The following KAZN variants were observed in gnomAD, a reference collection of about 807,000 sequenced individuals.
KAZN encodes kazrin, periplakin interacting protein, also known as kazrin.
Under a neutral mutation model 87.4 loss-of-function variants are expected in KAZN, and 40 were observed. The observed-to-expected ratio is 0.46, with a 90% CI of 0.36 to 0.60. KAZN has a LOEUF of 0.60. Ranked by LOEUF, KAZN falls within the 20% of genes least tolerant of loss-of-function variation. The pLI is 0.00. For synonymous variants in KAZN, 466 were observed against 458.3 expected, an observed-to-expected ratio of 1.02 and a Z score of -0.22; for missense variants, 898 against 1,073.9, an observed-to-expected ratio of 0.84 and a Z score of 2.29.
At chr1:14,301,719 A>G (rs1220502669) in intron 2 of KAZN, among the ~76,000 whole-genome samples, 2 of 152,234 alleles carry the variant, frequency 1.3e-5, no homozygotes, top group African/African-American at 4.8e-5. Flanking sequence ...TATATAGAAG[A>G]CATTTGGCAG....
intron 2 of KAZN, among the ~76,000 whole-genome samples, chr1:14,536,636 C>T (rs1672518892): frequency 6.6e-6 from 1 of 152,182 alleles, no homozygotes; most frequent in African/African-American, 2.4e-5. Context: ...AATCCCAACA[C>T]TTTGGGAGGC....
At chr1:14,905,472 C>G (rs1656414712) in intron 1 of KAZN, among the ~76,000 whole-genome samples, 1 of 152,346 alleles carries the variant, frequency 6.6e-6, no homozygotes, top group East Asian at 1.9e-4. Flanking sequence ...AGGCCTGCAT[C>G]TGGCACATCC....
chr1:14,385,236 A>T (rs1319945979), intron 2 of KAZN, among the ~76,000 whole-genome samples: 2 of 151,570 alleles, frequency 1.3e-5, no homozygotes, highest in Non-Finnish European at 2.9e-5. Flanking sequence ...GCGGTCTATT[A>T]ATTTTGTTGA....
At chr1:14,290,189 T>G (rs943331635) in intron 2 of KAZN, among the ~76,000 whole-genome samples, 4 of 152,266 alleles carry the variant, frequency 2.6e-5, no homozygotes, top group East Asian at 3.9e-4. Flanking sequence ...ATCTTTGTGG[T>G]GTTCTCTGTA....
chr1:14,085,908 C>T (rs964941108), intron 1 of KAZN, among the ~76,000 whole-genome samples: 1 of 152,086 alleles, frequency 6.6e-6, no homozygotes, highest in Non-Finnish European at 1.5e-5. Context: ...CCACATTCCC[C>T]CCAATACTTT....
intron 1 of KAZN, among the ~76,000 whole-genome samples, chr1:14,778,518 G>A (rs536141355): frequency 2.0e-4 from 30 of 152,232 alleles, no homozygotes; most frequent in Admixed American, 1.9e-3. Context: ...GGGTTCCCTT[G>A]GCCAAGTGGA....
At chr1:14,061,646 C>T (rs149689206) in intron 1 of KAZN, among the ~76,000 whole-genome samples, 97 of 152,298 alleles carry the variant, frequency 6.4e-4, no homozygotes, top group African/African-American at 2.1e-3. Context: ...TCTTCCCCAA[C>T]GGCAAAAGAA....
At chr1:14,113,723 G>A (rs1382350979) in intron 1 of KAZN, among the ~76,000 whole-genome samples, 1 of 152,200 alleles carries the variant, frequency 6.6e-6, no homozygotes, top group Non-Finnish European at 1.5e-5. Flanking sequence ...TCTGAGCTCT[G>A]TCCAAGCTCC....
At chr1:14,266,777 T>C (rs960449968) in intron 2 of KAZN, among the ~76,000 whole-genome samples, 1 of 152,136 alleles carries the variant, frequency 6.6e-6, no homozygotes, top group Admixed American at 6.5e-5. Flanking sequence ...CTTTGGGATG[T>C]GGGAGGAAAC....
At chr1:14,055,001 T>C (rs1264486505) in intron 1 of KAZN, among the ~76,000 whole-genome samples, 1 of 152,180 alleles carries the variant, frequency 6.6e-6, no homozygotes. Context: ...TTATAGGATG[T>C]TGAGCAGCAT....
chr1:14,314,623 C>G (rs772183867), intron 2 of KAZN, among the ~76,000 whole-genome samples: 1 of 151,884 alleles, frequency 6.6e-6, no homozygotes. Context: ...AATGACATGA[C>G]ATCATTCTTT....
At chr1:14,523,855 A>G (rs7526119) in intron 2 of KAZN, among the ~76,000 whole-genome samples, 119,428 of 152,172 alleles carry the variant, frequency 0.78, 46,984 homozygotes, top group Middle Eastern at 0.94. Flanking sequence ...GAAGGGGCTC[A>G]AGGGGGCTTA....
At chr1:14,652,424 T>G (rs1334506305) in intron 1 of KAZN, among the ~76,000 whole-genome samples, 1 of 140,298 alleles carries the variant, frequency 7.1e-6, no homozygotes, top group Non-Finnish European at 1.6e-5. Context: ...TATATTTATG[T>G]GTTGGTTCAT....
At chr1:14,809,734 G>A (rs892960989) in intron 1 of KAZN, among the ~76,000 whole-genome samples, 9 of 152,190 alleles carry the variant, frequency 5.9e-5, no homozygotes, top group South Asian at 2.1e-4. Context: ...TACAGTGCTC[G>A]CCGTGTGGGT....
intron 2 of KAZN, among the ~76,000 whole-genome samples, chr1:14,494,118 A>G (rs912695222): frequency 9.9e-5 from 15 of 152,156 alleles, no homozygotes; most frequent in African/African-American, 3.4e-4. Context: ...TTCATTCAAC[A>G]ATGCAATTTA....
intron 13 of KAZN, among the ~76,000 whole-genome samples, chr1:15,110,241 GTA>G (rs1641495315): frequency 7.1e-6 from 1 of 141,420 alleles, no homozygotes; most frequent in Non-Finnish European, 1.5e-5. Flanking sequence ...GTGTATATAT[GTA>G]TATGTGTATG....
intron 2 of KAZN, among the ~76,000 whole-genome samples, chr1:14,975,425 A>G (rs992566615): frequency 6.6e-6 from 1 of 152,232 alleles, no homozygotes; most frequent in African/African-American, 2.4e-5. Context: ...CTTGGCACCC[A>G]GCTAAAAATT....
At chr1:14,724,890 C>A (rs535411286) in intron 1 of KAZN, among the ~76,000 whole-genome samples, 1 of 152,192 alleles carries the variant, frequency 6.6e-6, no homozygotes, top group Non-Finnish European at 1.5e-5. Context: ...CCTGTCAAGT[C>A]GGAAAGAAGT....
intron 2 of KAZN, among the ~76,000 whole-genome samples, chr1:14,194,610 A>G (rs1211494668): frequency 6.6e-6 from 1 of 152,152 alleles, no homozygotes; most frequent in Non-Finnish European, 1.5e-5. Context: ...GAGGGAGGAA[A>G]GACTCTGGGA....
Sources: gnomAD v4.1 joint callset for allele counts (sites outside exome capture counted in the v4.1 genomes callset) on GRCh38, gnomAD v4.1.1 for gene constraint, MANE v1.5 for transcripts, NCBI Gene and HGNC (gene_info 2026-07-23, HGNC 2026-07-21) for gene names.